Variants in AKAP11 observed in about 807,000 individuals in gnomAD.
AKAP11 encodes A-kinase anchor protein 11.
AKAP11 carries 36 observed loss-of-function variants against 146.1 expected under a neutral mutation model. The ratio of observed to expected loss-of-function variants is 0.25; its 90% CI spans 0.19 to 0.33. The LOEUF (loss-of-function observed/expected upper bound fraction) is 0.33. Among genes scored for constraint, AKAP11 ranks in the 10% least tolerant of loss-of-function variants. The pLI is 1.00. For missense variants in AKAP11, 2,201 were observed against 2,197.0 expected (o/e 1.00, Z -0.04); for synonymous variants, 780 against 786.5 (o/e 0.99, Z 0.14).
intron 5 of AKAP11, among the ~76,000 whole-genome samples, chr13:42,296,335 A>G (rs1566267691): frequency 6.6e-6 from 1 of 152,174 alleles, no homozygotes; most frequent in East Asian, 1.9e-4. Flanking sequence ...TTTGGACAGA[A>G]GGAACAAGAG....
rs1166818149 is a variant in AKAP11 at position 42,272,239 on chromosome 13, C to G, written c.-100+11C>G. ...GGCTGCGGCCCCCAGGTGAGCCGGGCGCCGACGTGCTCGCCGCGGAGGCTG... is the reference window on the plus strand; with the variant it reads ...GGCTGCGGCCCCCAGGTGAGCCGGGGGCCGACGTGCTCGCCGCGGAGGCTG... On this transcript the variant is annotated intron_variant, in intron 1 of 12. Transcript: ENST00000025301. 6.6e-6 allele frequency: 1 copy of G among 152,364 alleles called. No individual in the cohort carries two copies. The highest frequency in any genetic ancestry group is 1.5e-5 in the Non-Finnish European group (1 of 68,176). The allele number at this position is 152,364 out of a possible 1,614,324, so 9.4% of individuals were successfully genotyped here.
In AKAP11 at chr13:42,301,142, G is replaced by A. The variant is rs1959872504; in HGVS notation, c.2396G>A (p.Cys799Tyr). The change falls in exon 8 of 13, where the codon TGT becomes TAT. Residue 799 changes from cysteine (C) to tyrosine (Y), a missense_variant. Coordinates refer to ENST00000025301, the MANE Select transcript of AKAP11 (RefSeq NM_016248.4). ...LLPYHISSTA[C>Y]QAKAHLSSDD... ...CCATATCATATTTCATCTACTGCAT[G>A]TCAGGCCAAGGCTCATCTGTCATCT... 3.1e-6 allele frequency: 5 copies of A among 1,613,972 alleles called. No individual in the cohort carries two copies. The highest frequency in any genetic ancestry group is 3.4e-6 in the Non-Finnish European group (4 of 1,179,978).
In AKAP11 at chr13:42,300,861, A is replaced by G. The variant is rs373037263; in HGVS notation, c.2115A>G (p.Leu705=). 1.2e-5 allele frequency: 19 copies of G among 1,614,042 alleles called. No homozygotes were observed. Among genetic ancestry groups the G allele is most frequent in the East Asian group, 2.2e-5 (1 of 44,902 alleles). Residue 705 remains leucine (L), a synonymous_variant, in exon 8 of 13, where the codon CTA becomes CTG. Coordinates refer to ENST00000025301, the MANE Select transcript of AKAP11 (RefSeq NM_016248.4). ...ESVIQEAFIE[L]SQVDVTFTTK... Reference sequence around the variant, plus strand: ...TAATACAGGAAGCATTCATTGAGCTATCACAAGTTGATGTGACCTTTACAA... The same window carrying G: ...TAATACAGGAAGCATTCATTGAGCTGTCACAAGTTGATGTGACCTTTACAA...
intron 3 of AKAP11, among the ~76,000 whole-genome samples, chr13:42,291,960 A>C (rs1398988885): frequency 6.6e-6 from 1 of 152,184 alleles, no homozygotes; most frequent in East Asian, 1.9e-4. Flanking sequence ...TAATGGAGTA[A>C]TCACTGTTGT....
rs1959476310 is a variant in AKAP11 at position 42,295,740 on chromosome 13, C to G, written c.214C>G (p.Gln72Glu). ...TGAAGAGACAGATGCTGCTCATATA[C>G]AGGTATGGTGAATTTTAGCATTTTT... Reference protein sequence around the residue: ...FNEETDAAHIQDLAAVSLELP... With the variant: ...FNEETDAAHIEDLAAVSLELP... Residue 72 changes from glutamine (Q) to glutamate (E), a missense_variant and splice_region_variant, in exon 5 of 13, where the codon CAG (glutamine) becomes GAG (glutamate). Physicochemically the swap from Gln to Glu is conservative, Grantham distance 29 (BLOSUM62 2). Coordinates refer to ENST00000025301, the MANE Select transcript of AKAP11 (RefSeq NM_016248.4). 1.2e-6 allele frequency: 2 copies of G among 1,609,114 alleles called. No homozygotes were observed. The highest frequency in any genetic ancestry group is 1.7e-6 in the Non-Finnish European group (2 of 1,178,546).
intron 8 of AKAP11, 59 bp from the exon 9 acceptor site, chr13:42,308,395 T>A: frequency 7.2e-7 from 1 of 1,396,860 alleles, no homozygotes; most frequent in South Asian, 1.3e-5. Context: ...GATAGTCTTG[T>A]AAGTTCAGAA....
At position 42,303,697 on chromosome 13, in the gene AKAP11, G is replaced by T. The variant is rs1393402374; in HGVS notation, c.4951G>T (p.Ala1651Ser). The T allele has an allele frequency of 1.9e-6, 3 of 1,614,028 alleles. No homozygotes were observed. The highest frequency in any genetic ancestry group is 8.5e-7 in the Non-Finnish European group (1 of 1,180,020). ...HVNLDKKAVL[A>S]EKIVAEAIEK... ...TAATCTTGATAAGAAGGCAGTGCTTGCTGAGAAGATAGTTGCTGAAGCCAT... is the reference window on the plus strand; with the variant it reads ...TAATCTTGATAAGAAGGCAGTGCTTTCTGAGAAGATAGTTGCTGAAGCCAT... The change falls in exon 8 of 13, where the codon GCT becomes TCT. Residue 1651 changes from alanine (A) to serine (S), a missense_variant. Coordinates refer to ENST00000025301, the MANE Select transcript of AKAP11 (RefSeq NM_016248.4).
At chr13:42,293,778 A>T (rs538249939) in intron 4 of AKAP11, among the ~76,000 whole-genome samples, 144 of 152,198 alleles carry the variant, frequency 9.5e-4, no homozygotes, top group Non-Finnish European at 1.8e-3. Context: ...ATGCCAGCTT[A>T]TTTTCTCTCT....
At chr13:42,316,658 G>A (rs1232451884) in intron 11 of AKAP11, among the ~76,000 whole-genome samples, 1 of 152,178 alleles carries the variant, frequency 6.6e-6, no homozygotes, top group Admixed American at 6.5e-5. Flanking sequence ...GACTGCCTGT[G>A]TAAATGTCCT....
chr13:42,304,865 C>G (rs1440478377), intron 8 of AKAP11, among the ~76,000 whole-genome samples: 1 of 152,084 alleles, frequency 6.6e-6, no homozygotes, highest in Non-Finnish European at 1.5e-5. Flanking sequence ...ATTCCTGTGC[C>G]TCAGCCTCCC....
chr13:42,311,456 A>C (rs1960560209), intron 9 of AKAP11, among the ~76,000 whole-genome samples: 1 of 152,236 alleles, frequency 6.6e-6, no homozygotes, highest in Non-Finnish European at 1.5e-5. Flanking sequence ...TGTCCTGGTT[A>C]GATGAAAAAT....
rs1959888348 is a variant in AKAP11, at chr13:42,301,337, A to T, written c.2591A>T (p.Lys864Ile). Residue 864 changes from lysine to isoleucine, a missense_variant, in exon 8 of 13, where the codon AAA becomes ATA. Physicochemically the swap from Lys to Ile is moderately radical, Grantham distance 102 (BLOSUM62 -3). Around this residue, in one of 3 missense-constraint regions of AKAP11, gnomAD observed 1,867 missense variants for 1,833.5 expected, o/e 1.02. Transcript: ENST00000025301. ...GATATTGAAATGCAGAGTTCCTCAA[A>T]ATTACCAAATGATCCTGCAATTATT... Reference protein sequence around the residue: ...NDDIEMQSSSKLPNDPAIISN... With the variant: ...NDDIEMQSSSILPNDPAIISN... 1 of 1,614,022 alleles carries T rather than the reference A, an allele frequency of 6.2e-7. No individual in the cohort carries two copies. Among genetic ancestry groups the T allele is most frequent in the Non-Finnish European group, 8.5e-7 (1 of 1,179,980 alleles).
chr13:42,280,829 G>A (rs1016440475), intron 1 of AKAP11, among the ~76,000 whole-genome samples: 1 of 152,164 alleles, frequency 6.6e-6, no homozygotes, highest in Non-Finnish European at 1.5e-5. Context: ...AGAGAGGGTA[G>A]ATTTGAGAGA....
At chr13:42,314,036 T>C (rs1188668379) in intron 11 of AKAP11, 96 bp downstream of exon 11, 2 of 1,268,006 alleles carry the variant, frequency 1.6e-6, no homozygotes, top group Non-Finnish European at 2.3e-6. Context: ...CTCTAGGTTA[T>C]CAGTGTAAAA....
At chr13:42,284,129 C>T (rs1471337460) in intron 1 of AKAP11, among the ~76,000 whole-genome samples, 2 of 152,070 alleles carry the variant, frequency 1.3e-5, no homozygotes, top group South Asian at 2.1e-4. Context: ...ATCGTCAAAC[C>T]GGGGTCCTAT....
At chr13:42,309,249 C>CT (rs1471791373) in intron 9 of AKAP11, among the ~76,000 whole-genome samples, 5 of 151,702 alleles carry the variant, frequency 3.3e-5, no homozygotes, top group Admixed American at 2.0e-4. Flanking sequence ...TTCTTATAGT[C>CT]TTAACCTCTA....
At chr13:42,319,009 A>C in intron 12 of AKAP11, 79 bp from the exon 13 acceptor site, 1 of 1,460,852 alleles carries the variant, frequency 6.8e-7, no homozygotes, top group Non-Finnish European at 9.2e-7. Context: ...CTTAAGTTTC[A>C]GCTAATATTG....
At position 42,303,602 on chromosome 13, in the gene AKAP11, C is replaced by G; in HGVS notation, c.4856C>G (p.Ser1619Cys). The change falls in exon 8 of 13, where the codon TCT (serine) becomes TGT (cysteine). Residue 1619 changes from serine (S) to cysteine (C), a missense_variant. Coordinates refer to ENST00000025301, the MANE Select transcript of AKAP11 (RefSeq NM_016248.4). Reference protein sequence around the residue: ...QGSLASSKPASNPKFSSRYQK... With the variant: ...QGSLASSKPACNPKFSSRYQK... ...TCTCTCGCCAGTAGTAAGCCAGCTT[C>G]TAATCCAAAATTTAGCAGCCGCTAT... The G allele has an allele frequency of 1.2e-6, 2 of 1,614,216 alleles. No homozygotes were observed. Among genetic ancestry groups the G allele is most frequent in the Non-Finnish European group, 1.7e-6 (2 of 1,180,034 alleles).
intron 1 of AKAP11, among the ~76,000 whole-genome samples, chr13:42,273,491 T>A (rs1369103756): frequency 6.6e-6 from 1 of 152,204 alleles, no homozygotes; most frequent in African/African-American, 2.4e-5. Context: ...GCTGTAACAG[T>A]AATTTATGAA....
Sources: allele counts gnomAD v4.1 joint callset (sites outside exome capture counted in the v4.1 genomes callset), GRCh38; gene constraint gnomAD v4.1.1; regional missense constraint gnomAD v4.1.1; transcripts MANE v1.5; gene names NCBI Gene and HGNC (gene_info 2026-07-23, HGNC 2026-07-21).